The following TTF2 variants were observed in gnomAD, a reference collection of about 807,000 sequenced individuals.
The protein encoded by TTF2 is RNA polymerase II termination factor.
TTF2 carries 108 observed loss-of-function variants against 142.4 expected under a neutral mutation model. The observed-to-expected ratio is 0.76, with a 90% CI of 0.65 to 0.89. TTF2 has a LOEUF of 0.89. Among genes scored for constraint, TTF2 ranks in the 40% least tolerant of loss-of-function variants. The probability of loss-of-function intolerance (pLI) is 0.00; values close to 1 mark genes in which losing one functional copy is unlikely to be tolerated. For missense variants in TTF2, 1,327 were observed against 1,379.8 expected (o/e 0.96, Z 0.61); for synonymous variants, 483 against 506.2 (o/e 0.95, Z 0.61).
At chr1:117,072,705 G>C (rs1267164741) in intron 3 of TTF2, among the ~76,000 whole-genome samples, 1 of 152,112 alleles carries the variant, frequency 6.6e-6, no homozygotes, top group Non-Finnish European at 1.5e-5. Flanking sequence ...TTACAGGTGT[G>C]AGCCACCGCA....
rs1656968475 is a variant in TTF2 at position 117,075,871 on chromosome 1, C to T, written c.1275+12C>T. 4 of 1,589,604 alleles carry T rather than the reference C, an allele frequency of 2.5e-6. No homozygotes were observed. The highest frequency in any genetic ancestry group is 2.7e-5 in the African/African-American group (2 of 73,816). On this transcript the variant is annotated intron_variant, in intron 5 of 22. Coordinates refer to ENST00000369466, the MANE Select transcript of TTF2 (RefSeq NM_003594.4). The surrounding 1 kb of genome is among the most constrained non-coding windows in gnomAD (Gnocchi z 4.5). ...TGAAACAAAAGAAGGTAACTATTGACTCGTGTTTTGTTTCTGAGGTCAGAG... is the reference window on the plus strand; with the variant it reads ...TGAAACAAAAGAAGGTAACTATTGATTCGTGTTTTGTTTCTGAGGTCAGAG...
Position 117,080,987 on chromosome 1 carries a change from C to T in TTF2, c.1784-841C>T, listed in dbSNP as rs1385114220. Among the ~76,000 whole-genome samples the T allele has an allele frequency of 1.3e-5, 2 of 152,144 alleles. No individual in the cohort carries two copies. Among genetic ancestry groups the T allele is most frequent in the Non-Finnish European group, 2.9e-5 (2 of 68,026 alleles). ...CAGGTGGCTTCAGCCTGGTATATAC[C>T]AAGTTTTCCTACTCCTAGAAGGAAA... On this transcript the variant is annotated intron_variant, in intron 9 of 22. Transcript: ENST00000369466. The surrounding 1 kb of genome is among the most constrained non-coding windows in gnomAD (Gnocchi z 4.3).
chr1:117,083,106 G>A (rs1318147720), intron 10 of TTF2, among the ~76,000 whole-genome samples: 3 of 152,094 alleles, frequency 2.0e-5, no homozygotes, highest in Non-Finnish European at 2.9e-5. Context: ...GCCAAGCATG[G>A]TGGCAGGCGC....
chr1:117,097,606 TC>T lies in TTF2; in HGVS notation c.3269+177del, dbSNP rs1160292314. 6.6e-6 allele frequency among the ~76,000 whole-genome samples: 1 copy of T among 152,186 alleles called. No individual in the cohort carries two copies. Among genetic ancestry groups the T allele is most frequent in the African/African-American group, 2.4e-5 (1 of 41,448 alleles). On this transcript the variant is annotated intron_variant, in intron 21 of 22. Coordinates refer to ENST00000369466, the MANE Select transcript of TTF2 (RefSeq NM_003594.4). This position sits in a 1 kb window ranked among gnomAD's most constrained non-coding sequence, Gnocchi z 4.1. Reference sequence around the variant, plus strand: ...TAAGCAGGGTATAGGGCTAGCTGACTCCCCTGAATTCCTGAGCTAGCAAGCC... The same window carrying T: ...TAAGCAGGGTATAGGGCTAGCTGACTCCCTGAATTCCTGAGCTAGCAAGCC...
intron 8 of TTF2, among the ~76,000 whole-genome samples, chr1:117,078,565 G>T (rs533438916): frequency 5.9e-5 from 9 of 152,340 alleles, no homozygotes; most frequent in African/African-American, 2.2e-4. Context: ...GTGGTGACTA[G>T]TGGGAAGATA....
At chr1:117,095,431 A>G (rs1296641942) in intron 19 of TTF2, 64 bp downstream of exon 19, 5 of 1,482,290 alleles carry the variant, frequency 3.4e-6, no homozygotes, top group Non-Finnish European at 4.7e-6. Context: ...TGATATTGCC[A>G]AGAGTTATAA....
intron 10 of TTF2, among the ~76,000 whole-genome samples, chr1:117,082,999 T>A (rs1647662326): frequency 6.6e-6 from 1 of 151,976 alleles, no homozygotes; most frequent in Non-Finnish European, 1.5e-5. Flanking sequence ...TCCCAGCACT[T>A]TGGGAGGCTG....
chr1:117,094,852 C>T (rs747299784), intron 18 of TTF2: 9 of 345,774 alleles, frequency 2.6e-5, no homozygotes, highest in Middle Eastern at 1.0e-3. Context: ...GCAGTGGGCA[C>T]CTAACCTGTA....
At chr1:117,065,939 G>T (rs954312097) in intron 3 of TTF2, among the ~76,000 whole-genome samples, 18 of 150,302 alleles carry the variant, frequency 1.2e-4, no homozygotes, top group African/African-American at 4.2e-4. Context: ...TGAAAATAGG[G>T]CAAAGAGACC....
At position 117,084,673 on chromosome 1, in the gene TTF2, G is replaced by C. The variant is rs111459821; in HGVS notation, c.2054+505G>C. 4.1e-3 allele frequency among the ~76,000 whole-genome samples: 620 copies of C among 152,266 alleles called. 5 individuals carry two copies. The highest frequency in any genetic ancestry group is 0.014 in the African/African-American group (600 of 41,556). ...AGAGTTAACTATAAATTCTTGAAGA[G>C]GGATGCTCAGGAAGGAGGGAAGAAA... is the stretch of plus-strand genomic sequence containing the variant. On this transcript the variant is annotated intron_variant, in intron 11 of 22. Coordinates refer to ENST00000369466, the MANE Select transcript of TTF2 (RefSeq NM_003594.4).
chr1:117,074,844 A>G (rs1472458866), intron 4 of TTF2, 26 bp from the exon 5 acceptor site: 1 of 1,527,258 alleles, frequency 6.5e-7, no homozygotes. Context: ...AATATTTTAT[A>G]TGAAGATTAA....
At chr1:117,068,000 G>A (rs1435118014) in intron 3 of TTF2, among the ~76,000 whole-genome samples, 1 of 152,200 alleles carries the variant, frequency 6.6e-6, no homozygotes, top group East Asian at 1.9e-4. Context: ...TAGCCATTCG[G>A]CCATGGCCCT....
Position 117,093,599 on chromosome 1 carries a change from C to T in TTF2, c.2976+698C>T, listed in dbSNP as rs1393833544. On this transcript the variant is annotated intron_variant, in intron 18 of 22. Transcript: ENST00000369466. This position sits in a 1 kb window ranked among gnomAD's most constrained non-coding sequence, Gnocchi z 4.5. ...GTATTAATAACTAGAAAGGTCACTT[C>T]CAGGGGAATGGCATTATTTTTTAAA... 6.6e-6 allele frequency among the ~76,000 whole-genome samples: 1 copy of T among 152,066 alleles called. No homozygotes were observed.
At chr1:117,071,689 G>C (rs1333336620) in intron 3 of TTF2, among the ~76,000 whole-genome samples, 1 of 152,000 alleles carries the variant, frequency 6.6e-6, no homozygotes, top group Non-Finnish European at 1.5e-5. Context: ...AGTTATTTTA[G>C]GTAATTACAT....
In TTF2 at chr1:117,086,367, G is replaced by T. The variant is rs112578643; in HGVS notation, c.2055-50G>T. ...AAAGATCAACTCTGCCTCTCTCATTGTCCCTCTATAGTGGGACCATTTATT... is the reference window on the plus strand; with the variant it reads ...AAAGATCAACTCTGCCTCTCTCATTTTCCCTCTATAGTGGGACCATTTATT... On this transcript the variant is annotated intron_variant, in intron 11 of 22. Coordinates refer to ENST00000369466, the MANE Select transcript of TTF2 (RefSeq NM_003594.4). The surrounding 1 kb of genome is among the most constrained non-coding windows in gnomAD (Gnocchi z 4.2). 1 of 1,356,490 alleles carries T rather than the reference G, an allele frequency of 7.4e-7. No homozygotes were observed. Among genetic ancestry groups the T allele is most frequent in the South Asian group, 1.2e-5 (1 of 84,510 alleles). The allele number at this position is 1,356,490 out of a possible 1,614,324, so 84.0% of individuals were successfully genotyped here.
intron 12 of TTF2, among the ~76,000 whole-genome samples, chr1:117,088,276 G>A (rs963341384): frequency 6.6e-6 from 1 of 152,200 alleles, no homozygotes; most frequent in African/African-American, 2.4e-5. Flanking sequence ...GGTGGCTCAT[G>A]CCTGTAATCC....
Position 117,093,006 on chromosome 1 carries a change from A to T in TTF2, c.2976+105A>T. On this transcript the variant is annotated intron_variant, in intron 18 of 22. Transcript: ENST00000369466. The surrounding 1 kb of genome is among the most constrained non-coding windows in gnomAD (Gnocchi z 4.5). ...CAAGTGGGAACAGCCATTTGCCAGC[A>T]GAGCTAGAGCCGTTAAATTCTAGCT... The T allele has an allele frequency of 7.6e-7, 1 of 1,308,480 alleles. No individual in the cohort carries two copies. Among genetic ancestry groups the T allele is most frequent in the South Asian group, 1.4e-5 (1 of 72,266 alleles). The allele number at this position is 1,308,480 out of a possible 1,614,324, so 81.1% of individuals were successfully genotyped here. A position where few individuals can be genotyped will look rare whatever the true frequency, so the allele number is the denominator to read the frequency against.
At chr1:117,064,513 TTTG>T (rs1488353399) in intron 3 of TTF2, among the ~76,000 whole-genome samples, 18 of 536 alleles carry the variant, frequency 0.034, no homozygotes, top group African/African-American at 0.12. Flanking sequence ...TTTATTTTTG[TTTG>T]TTTGTTTGTT....
At chr1:117,095,272 T>C (rs1649014541) in intron 18 of TTF2, 37 bp from the exon 19 acceptor site, 10 of 1,608,762 alleles carry the variant, frequency 6.2e-6, no homozygotes, top group Non-Finnish European at 8.5e-6. Context: ...AAAAGTGAAT[T>C]GCTTAAACAT....
Sources: gnomAD v4.1 joint callset for allele counts (sites outside exome capture counted in the v4.1 genomes callset) on GRCh38, gnomAD v4.1.1 for gene constraint, Gnocchi (gnomAD v3.1) non-coding constraint, MANE v1.5 for transcripts, NCBI Gene and HGNC (gene_info 2026-07-23, HGNC 2026-07-21) for gene names.